LRRC7: variants seen among roughly 807,000 people sequenced by gnomAD.
The protein encoded by LRRC7 is leucine rich repeat containing 7.
A neutral mutation model predicts 175.7 loss-of-function variants in LRRC7; 23 were observed. The observed-to-expected ratio is 0.13, with a 90% CI of 0.09 to 0.19. The LOEUF is 0.19. Ranked by LOEUF, LRRC7 falls within the 10% of genes least tolerant of loss-of-function variation. LRRC7 has a pLI of 1.00. For missense variants in LRRC7, 1,354 were observed against 1,904.7 expected (o/e 0.71, Z 5.38); for synonymous variants, 685 against 680.9 (o/e 1.01, Z -0.09).
rs1000530477 is a variant in LRRC7, at chr1:70,129,459, C to T, written c.*7572C>T. ...GGAAATGAAGAAAGGTGTTCCTCAA[C>T]TTGGTCCAGCACTGAGTCTGTATGC... On this transcript the variant is annotated 3_prime_UTR_variant, in exon 27 of 27. Transcript: ENST00000651989. 6.6e-6 allele frequency among the ~76,000 whole-genome samples: 1 copy of T among 152,158 alleles called. No individual in the cohort carries two copies. Among genetic ancestry groups the T allele is most frequent in the African/African-American group, 2.4e-5 (1 of 41,426 alleles).
intron 1 of LRRC7, among the ~76,000 whole-genome samples, chr1:69,661,592 T>C (rs766868070): frequency 6.6e-6 from 1 of 152,138 alleles, no homozygotes; most frequent in African/African-American, 2.4e-5. Context: ...CAGGAGAACA[T>C]TGTGTCAATA....
At chr1:69,974,799 C>CT (rs947591401) in intron 8 of LRRC7, among the ~76,000 whole-genome samples, 19 of 152,050 alleles carry the variant, frequency 1.2e-4, no homozygotes, top group Non-Finnish European at 2.4e-4. Context: ...ATAAAAATAT[C>CT]TTTTTTTAGA....
At chr1:69,611,109 T>C (rs1425265364) in intron 1 of LRRC7, among the ~76,000 whole-genome samples, 1 of 152,064 alleles carries the variant, frequency 6.6e-6, no homozygotes, top group Non-Finnish European at 1.5e-5. Context: ...ACTTTAAGTT[T>C]CCCACTAATA....
intron 1 of LRRC7, among the ~76,000 whole-genome samples, chr1:69,633,183 T>A (rs904210695): frequency 6.6e-6 from 1 of 151,970 alleles, no homozygotes; most frequent in African/African-American, 2.4e-5. Context: ...CCTTATATAT[T>A]TTTTGTTTAC....
intron 8 of LRRC7, among the ~76,000 whole-genome samples, chr1:69,972,610 A>G (rs1402284596): frequency 2.0e-5 from 3 of 152,174 alleles, no homozygotes; most frequent in Non-Finnish European, 4.4e-5. Flanking sequence ...TCAAAAAATC[A>G]AAATATAATA....
At chr1:69,661,906 CCA>C (rs1474918532) in intron 1 of LRRC7, among the ~76,000 whole-genome samples, 2 of 152,266 alleles carry the variant, frequency 1.3e-5, no homozygotes, top group East Asian at 3.9e-4. Flanking sequence ...TACATTCCCT[CCA>C]CACACATTTT....
intron 24 of LRRC7, among the ~76,000 whole-genome samples, chr1:70,076,975 A>G (rs1409629497): frequency 6.6e-6 from 1 of 152,178 alleles, no homozygotes; most frequent in Non-Finnish European, 1.5e-5. Context: ...TAATCTTAGA[A>G]AGTAAAACAT....
At chr1:69,991,449 C>G (rs972801116) in intron 10 of LRRC7, among the ~76,000 whole-genome samples, 1 of 152,100 alleles carries the variant, frequency 6.6e-6, no homozygotes. Context: ...ACCTTATTGA[C>G]CTGTCAGGGA....
At chr1:70,113,591 C>A (rs1049134427) in intron 26 of LRRC7, among the ~76,000 whole-genome samples, 1 of 152,032 alleles carries the variant, frequency 6.6e-6, no homozygotes, top group Non-Finnish European at 1.5e-5. Context: ...AAGCCAGAAA[C>A]AAGATTTTAA....
intron 1 of LRRC7, among the ~76,000 whole-genome samples, chr1:69,626,263 G>A (rs1651516689): frequency 6.6e-6 from 1 of 151,756 alleles, no homozygotes; most frequent in African/African-American, 2.4e-5. Context: ...TATGTTTTGA[G>A]AACTGGCAGA....
chr1:69,928,971 G>C (rs1032078602), intron 7 of LRRC7, among the ~76,000 whole-genome samples: 15 of 152,162 alleles, frequency 9.9e-5, no homozygotes, highest in African/African-American at 2.9e-4. Context: ...CTGAAATACT[G>C]TTCTTATTTG....
chr1:69,769,666 C>T (rs930724498), intron 3 of LRRC7, among the ~76,000 whole-genome samples: 2 of 152,102 alleles, frequency 1.3e-5, no homozygotes, highest in African/African-American at 4.8e-5. Context: ...ATCCAAAACA[C>T]TCTGGTTCCA....
At chr1:69,738,352 A>G (rs1267181811) in intron 2 of LRRC7, among the ~76,000 whole-genome samples, 1 of 151,926 alleles carries the variant, frequency 6.6e-6, no homozygotes, top group Non-Finnish European at 1.5e-5. Flanking sequence ...CATCCTGTTT[A>G]CCTGCGCCAG....
At chr1:69,942,812 T>C (rs1648869161) in intron 8 of LRRC7, among the ~76,000 whole-genome samples, 1 of 152,136 alleles carries the variant, frequency 6.6e-6, no homozygotes, top group South Asian at 2.1e-4. Flanking sequence ...GTAACATATT[T>C]ATAGGTTCTT....
chr1:69,864,628 T>C (rs1684716725), intron 7 of LRRC7, among the ~76,000 whole-genome samples: 3 of 152,280 alleles, frequency 2.0e-5, no homozygotes, highest in Middle Eastern at 3.4e-3. Flanking sequence ...TAGGGTAACA[T>C]GGCAATTAAA....
At chr1:69,888,402 T>A (rs1645721166) in intron 7 of LRRC7, among the ~76,000 whole-genome samples, 1 of 152,106 alleles carries the variant, frequency 6.6e-6, no homozygotes, top group South Asian at 2.1e-4. Context: ...CGTCACCCCT[T>A]TCTTTGACTT....
intron 1 of LRRC7, among the ~76,000 whole-genome samples, chr1:69,599,446 A>G (rs1289557099): frequency 6.6e-6 from 1 of 152,208 alleles, no homozygotes; most frequent in East Asian, 1.9e-4. Context: ...AATGAACTCT[A>G]GTCTTTATGT....
intron 23 of LRRC7, among the ~76,000 whole-genome samples, chr1:70,075,605 T>A: frequency 6.6e-6 from 1 of 152,232 alleles, no homozygotes. Flanking sequence ...ATAATGGTGA[T>A]AATTGATAAA....
chr1:69,946,181 GAA>G (rs1649291284), intron 8 of LRRC7, among the ~76,000 whole-genome samples: 1 of 152,114 alleles, frequency 6.6e-6, no homozygotes, highest in Non-Finnish European at 1.5e-5. Flanking sequence ...TTTTTATCAT[GAA>G]AAGGTGTTGA....
Sources: gnomAD v4.1 joint callset for allele counts (sites outside exome capture counted in the v4.1 genomes callset) on GRCh38, gnomAD v4.1.1 for gene constraint, MANE v1.5 for transcripts, NCBI Gene and HGNC (gene_info 2026-07-23, HGNC 2026-07-21) for gene names.